LRRC74B: variants seen among roughly 807,000 people sequenced by gnomAD.
The protein encoded by LRRC74B is leucine-rich repeat-containing protein 74B.
A neutral mutation model predicts 16.6 loss-of-function variants in LRRC74B; 30 were observed. The ratio of observed to expected loss-of-function variants is 1.80; its 90% CI spans 1.35 to 2.45. LRRC74B has a LOEUF of 2.45. Among genes scored for constraint, LRRC74B ranks in the 30% most tolerant of loss-of-function variants. LRRC74B has a pLI of 0.00. For missense variants in LRRC74B, 326 were observed against 202.4 expected (o/e 1.61, Z -3.71); for synonymous variants, 134 against 86.0 (o/e 1.56, Z -3.09).
chr22:21,047,728 G>C (rs1929587472), intron 2 of LRRC74B, among the ~76,000 whole-genome samples, 156 bp from the exon 3 acceptor site: 1 of 152,166 alleles, frequency 6.6e-6, no homozygotes, highest in Non-Finnish European at 1.5e-5. Context: ...GAGAGCTGGG[G>C]GTGGGGGGAG....
chr22:21,052,317 C>G, exon 5 of LRRC74B: 1 of 717,544 alleles, frequency 1.4e-6, no homozygotes, highest in Non-Finnish European at 2.6e-6. Flanking sequence ...CTGGAATCAC[C>G]TCCGGGGCCC....
chr22:21,055,332 C>T (rs1222200790), intron 7 of LRRC74B, among the ~76,000 whole-genome samples, 156 bp downstream of exon 7: 3 of 152,202 alleles, frequency 2.0e-5, no homozygotes, highest in Non-Finnish European at 4.4e-5. Flanking sequence ...GGGCCTGGCC[C>T]TCCTCTTCTC....
intron 7 of LRRC74B, 89 bp downstream of exon 7, chr22:21,055,265 G>A (rs778680213): frequency 1.5e-6 from 1 of 670,272 alleles, no homozygotes; most frequent in Admixed American, 2.1e-5. Context: ...CCCACCCAGG[G>A]GCAGCAGGCA....
chr22:21,052,119 G>T (rs1239850949), intron 4 of LRRC74B, 130 bp from the exon 5 acceptor site: 1 of 653,790 alleles, frequency 1.5e-6, no homozygotes, highest in African/African-American at 1.8e-5. Flanking sequence ...TAAGGGCACC[G>T]CAGGCCCACA....
downstream of LRRC74B, chr22:21,061,753 G>T (rs1160453610): frequency 1.3e-5 from 2 of 152,092 alleles, no homozygotes; most frequent in Non-Finnish European, 2.9e-5. Flanking sequence ...GAAGACATAT[G>T]TCCCCACAAG....
chr22:21,051,257 C>T (rs73164873), intron 4 of LRRC74B, among the ~76,000 whole-genome samples: 10,249 of 152,234 alleles, frequency 0.067, 397 homozygotes, highest in Non-Finnish European at 0.081. Context: ...CTTCTGCAGG[C>T]GCTTTCTTGT....
At chr22:21,056,240 G>A (rs1335298427) in intron 7 of LRRC74B, among the ~76,000 whole-genome samples, 2 of 152,294 alleles carry the variant, frequency 1.3e-5, no homozygotes, top group Non-Finnish European at 2.9e-5. Context: ...GGTGGCTCAC[G>A]CCAATAATCC....
At chr22:21,057,386 A>G (rs946107852) in intron 8 of LRRC74B, among the ~76,000 whole-genome samples, 186 bp downstream of exon 8, 4 of 152,118 alleles carry the variant, frequency 2.6e-5, no homozygotes, top group Non-Finnish European at 5.9e-5. Context: ...CCCGCTCCAG[A>G]CTGCTGGTTC....
Position 21,053,479 on chromosome 22 carries a change from A to C in LRRC74B, c.848+4A>C, listed in dbSNP as rs533833671. ...TGTTGGAGGAACTCAACATGAGGTGAGGATCCCCGGGGGGACACCCCAGGA... is the reference window on the plus strand; with the variant it reads ...TGTTGGAGGAACTCAACATGAGGTGCGGATCCCCGGGGGGACACCCCAGGA... On this transcript the variant is annotated splice_donor_region_variant and intron_variant, in intron 6 of 8. Coordinates refer to ENST00000442047, the Ensembl canonical transcript of LRRC74B. The C allele has an allele frequency of 1.0e-4, 73 of 716,438 alleles. No individual in the cohort carries two copies. The African/African-American group carries it at 1.2e-3, about 12-fold the overall frequency. The allele number at this position is 716,438 out of a possible 1,614,324, so 44.4% of individuals were successfully genotyped here.
intron 8 of LRRC74B, among the ~76,000 whole-genome samples, chr22:21,058,330 A>C (rs559766667): frequency 1.3e-5 from 2 of 152,196 alleles, no homozygotes; most frequent in Admixed American, 6.5e-5. Flanking sequence ...GGCAACACAG[A>C]AAGGTCCCCA....
At position 21,047,985 on chromosome 22, in the gene LRRC74B, AG is replaced by A. The variant is rs1438034842; in HGVS notation, c.386del (p.Gly129ValfsTer3). On this transcript the variant is annotated frameshift_variant, in exon 3 of 9. Transcript: ENST00000442047. LOFTEE classifies it high-confidence loss of function. ...GTGGGGCAGGTGCAGAGGCCCTGGC[AG>A]GTGCCCTGAGCAAAAGCAGCAGCAT... The A allele has an allele frequency of 2.8e-6, 2 of 717,172 alleles. No individual in the cohort carries two copies. Among genetic ancestry groups the A allele is most frequent in the Admixed American group, 2.0e-5 (1 of 49,988 alleles). The allele number at this position is 717,172 out of a possible 1,614,324, so 44.4% of individuals were successfully genotyped here.
At position 21,053,772 on chromosome 22, in the gene LRRC74B, T is replaced by G. The variant is rs150493684; in HGVS notation, c.848+297T>G. ...CCAAGTAGCTGGGACTACAGGAGTA[T>G]GTCACCAAGCCTGGCTAATTTTTTC... On this transcript the variant is annotated intron_variant, in intron 6 of 8. Transcript: ENST00000442047. 5.0e-3 allele frequency: 1,141 copies of G among 226,966 alleles called. 15 individuals are homozygous for G. The highest frequency in any genetic ancestry group is 0.024 in the African/African-American group (1,067 of 44,172). The allele number at this position is 226,966 out of a possible 1,614,324, so 14.1% of individuals were successfully genotyped here.
downstream of LRRC74B, chr22:21,062,712 CA>C (rs71188206): frequency 0.43 from 26,214 of 61,170 alleles, 2,601 homozygotes; most frequent in Non-Finnish European, 0.48. Flanking sequence ...GACTCGGTCT[CA>C]AAAAAAAAAA....
intron 8 of LRRC74B, among the ~76,000 whole-genome samples, chr22:21,057,931 G>A (rs914696119): frequency 6.6e-6 from 1 of 151,140 alleles, no homozygotes; most frequent in Non-Finnish European, 1.5e-5. Flanking sequence ...TGTCGCCCAG[G>A]CTGGAGTGCA....
chr22:21,056,916 T>C, intron 7 of LRRC74B, 189 bp from the exon 8 acceptor site: 1 of 585,554 alleles, frequency 1.7e-6, no homozygotes, highest in Non-Finnish European at 3.0e-6. Flanking sequence ...TCTCCCTTCC[T>C]TTCTTCCCTG....
At chr22:21,056,746 C>CAGCGTGG in intron 7 of LRRC74B, 1 of 251,896 alleles carries the variant, frequency 4.0e-6, no homozygotes, top group Non-Finnish European at 7.6e-6. Context: ...CCCAGATACA[C>CAGCGTGG]CTCCCCTCCC....
intron 5 of LRRC74B, 71 bp from the exon 6 acceptor site, chr22:21,053,289 C>A (rs1024854599): frequency 1.9e-5 from 13 of 688,856 alleles, no homozygotes; most frequent in Non-Finnish European, 3.2e-5. Flanking sequence ...CTCCTGGTCT[C>A]TGAGGCTGTG....
At chr22:21,048,194 G>C (rs1929654074) in intron 3 of LRRC74B, 178 bp downstream of exon 3, 3 of 598,890 alleles carry the variant, frequency 5.0e-6, no homozygotes, top group Non-Finnish European at 9.1e-6. Context: ...CTGCTGTGCA[G>C]CCGATGCCTG....
chr22:21,053,782 C>T (rs1930259781), intron 6 of LRRC74B: 1 of 204,854 alleles, frequency 4.9e-6, no homozygotes, highest in Admixed American at 6.0e-5. Context: ...TGTCACCAAG[C>T]CTGGCTAATT....
Sources: allele counts gnomAD v4.1 joint callset (sites outside exome capture counted in the v4.1 genomes callset), GRCh38; gene constraint gnomAD v4.1.1; transcripts MANE v1.5; gene names NCBI Gene and HGNC (gene_info 2026-07-23, HGNC 2026-07-21).